KCNH5: variants seen among roughly 807,000 people sequenced by gnomAD.
KCNH5 encodes voltage-gated delayed rectifier potassium channel KCNH5.
A neutral mutation model predicts 96.1 loss-of-function variants in KCNH5; 46 were observed. The ratio of observed to expected loss-of-function variants is 0.48; its 90% confidence interval spans 0.38 to 0.61. KCNH5 has a LOEUF of 0.61. KCNH5 is among the 20% of genes least tolerant of loss of function. The pLI, the probability that KCNH5 is intolerant of heterozygous loss-of-function variation, is 0.00. For missense variants in KCNH5, 907 were observed against 1,225.8 expected (o/e 0.74, Z 3.88); for synonymous variants, 439 against 449.8 (o/e 0.98, Z 0.30).
chr14:62,937,017 G>C (rs930761224), intron 7 of KCNH5, among the ~76,000 whole-genome samples: 3 of 150,632 alleles, frequency 2.0e-5, no homozygotes, highest in Non-Finnish European at 4.4e-5. Flanking sequence ...AGAAAGAGGA[G>C]GAGAAGGAAG....
chr14:62,711,819 G>A (rs1391561241), intron 10 of KCNH5, among the ~76,000 whole-genome samples: 2 of 152,214 alleles, frequency 1.3e-5, no homozygotes, highest in East Asian at 1.9e-4. Flanking sequence ...AAAGCACTGT[G>A]TGAGGTGGGA....
chr14:62,963,546 C>A (rs191090539), intron 6 of KCNH5, among the ~76,000 whole-genome samples: 2 of 128,510 alleles, frequency 1.6e-5, no homozygotes, highest in Admixed American at 1.4e-4. Context: ...AATTCCAGTC[C>A]AAAAGCAAGA....
At chr14:62,717,039 T>C (rs1884701778) in intron 10 of KCNH5, among the ~76,000 whole-genome samples, 1 of 152,052 alleles carries the variant, frequency 6.6e-6, no homozygotes. Flanking sequence ...AATAATGTTA[T>C]TGACAATAGC....
chr14:63,005,110 CAG>C (rs956231183), intron 3 of KCNH5, among the ~76,000 whole-genome samples: 1 of 152,164 alleles, frequency 6.6e-6, no homozygotes, highest in African/African-American at 2.4e-5. Context: ...TTTTCTCTTG[CAG>C]AGGACAGAGC....
chr14:62,802,620 G>C (rs1431366097), intron 8 of KCNH5, 39 bp from the exon 9 acceptor site: 1 of 1,603,284 alleles, frequency 6.2e-7, no homozygotes, highest in South Asian at 1.1e-5. Flanking sequence ...AAAGGAAAGA[G>C]GAAGGGGCCA....
At chr14:62,726,118 C>A (rs899622150) in intron 10 of KCNH5, among the ~76,000 whole-genome samples, 2 of 152,064 alleles carry the variant, frequency 1.3e-5, no homozygotes, top group African/African-American at 4.8e-5. Flanking sequence ...GTATCTTGAC[C>A]TTTACCTCAC....
At chr14:62,765,514 G>A (rs111778944) in intron 10 of KCNH5, among the ~76,000 whole-genome samples, 6,234 of 152,166 alleles carry the variant, frequency 0.041, 255 homozygotes, top group African/African-American at 0.11. Context: ...AACAAAAATT[G>A]ACAAATGGGA....
chr14:62,768,957 T>C (rs902118771), intron 10 of KCNH5, among the ~76,000 whole-genome samples: 25 of 152,202 alleles, frequency 1.6e-4, no homozygotes, highest in African/African-American at 5.5e-4. Context: ...GAGCCCTAAA[T>C]AGAAGCAGCT....
intron 10 of KCNH5, among the ~76,000 whole-genome samples, chr14:62,747,933 A>C (rs1885413178): frequency 6.6e-6 from 1 of 152,224 alleles, no homozygotes; most frequent in African/African-American, 2.4e-5. Context: ...TATCTTAGGC[A>C]AGTGTAGAAG....
At chr14:62,929,343 G>A (rs1175227657) in intron 7 of KCNH5, among the ~76,000 whole-genome samples, 1 of 151,980 alleles carries the variant, frequency 6.6e-6, no homozygotes, top group Non-Finnish European at 1.5e-5. Flanking sequence ...GATTGCAATA[G>A]CCTCCCTGAA....
At chr14:62,811,074 G>C (rs1337638015) in intron 8 of KCNH5, among the ~76,000 whole-genome samples, 1 of 151,234 alleles carries the variant, frequency 6.6e-6, no homozygotes, top group Admixed American at 6.6e-5. Context: ...AAACAACCCT[G>C]GGGAAAAAAA....
chr14:62,955,293 T>A (rs1890083121), intron 6 of KCNH5, among the ~76,000 whole-genome samples: 1 of 152,188 alleles, frequency 6.6e-6, no homozygotes, highest in Non-Finnish European at 1.5e-5. Context: ...TCAATGGGCC[T>A]GTGCCACACA....
At chr14:62,837,583 T>A (rs1887489267) in intron 8 of KCNH5, among the ~76,000 whole-genome samples, 1 of 152,190 alleles carries the variant, frequency 6.6e-6, no homozygotes, top group South Asian at 2.1e-4. Context: ...ACAGAAAACT[T>A]AAATGATGAT....
chr14:62,867,893 T>A (rs976234582), intron 7 of KCNH5, among the ~76,000 whole-genome samples: 1 of 152,164 alleles, frequency 6.6e-6, no homozygotes, highest in Non-Finnish European at 1.5e-5. Context: ...TGTCACCGTC[T>A]AAAACAGAAA....
At chr14:62,787,889 T>C (rs1319484051) in intron 9 of KCNH5, among the ~76,000 whole-genome samples, 2 of 152,192 alleles carry the variant, frequency 1.3e-5, no homozygotes, top group Non-Finnish European at 2.9e-5. Context: ...ATATGACTGC[T>C]CATTGACAAT....
At chr14:62,754,717 CA>C (rs552596130) in intron 10 of KCNH5, among the ~76,000 whole-genome samples, 5 of 149,080 alleles carry the variant, frequency 3.4e-5, no homozygotes, top group Middle Eastern at 3.4e-3. Context: ...ACTAAAAATA[CA>C]AAAAAAAATA....
At chr14:62,766,465 G>A (rs899130219) in intron 10 of KCNH5, among the ~76,000 whole-genome samples, 1 of 152,118 alleles carries the variant, frequency 6.6e-6, no homozygotes, top group South Asian at 2.1e-4. Flanking sequence ...AGAAAACGTG[G>A]TATGTATGCA....
chr14:62,940,491 T>C (rs529642369), intron 7 of KCNH5, among the ~76,000 whole-genome samples: 1 of 152,340 alleles, frequency 6.6e-6, no homozygotes, highest in Non-Finnish European at 1.5e-5. Context: ...CAAATTTTTC[T>C]TATTTATCCC....
intron 10 of KCNH5, among the ~76,000 whole-genome samples, chr14:62,771,847 CAG>C (rs913629240): frequency 6.6e-6 from 1 of 152,088 alleles, no homozygotes; most frequent in African/African-American, 2.4e-5. Flanking sequence ...ACAAAATAAG[CAG>C]AGTCATGGAG....
Sources: gnomAD v4.1 joint callset for allele counts (sites outside exome capture counted in the v4.1 genomes callset) on GRCh38, gnomAD v4.1.1 for gene constraint, MANE v1.5 for transcripts, NCBI Gene and HGNC (gene_info 2026-07-23, HGNC 2026-07-21) for gene names.